ASTN2: variants seen among roughly 807,000 people sequenced by gnomAD.
ASTN2 encodes the protein astrotactin-2.
A neutral mutation model predicts 139.8 loss-of-function variants in ASTN2; 54 were observed. The observed-to-expected ratio is 0.39, with a 90% CI of 0.31 to 0.48. The LOEUF (loss-of-function observed/expected upper bound fraction) is 0.48. Ranked by LOEUF, ASTN2 falls within the 20% of genes least tolerant of loss-of-function variation. The pLI is 0.95. For synonymous variants in ASTN2, 756 were observed against 719.5 expected (o/e 1.05, Z -0.81); for missense variants, 1,565 against 1,725.1 (o/e 0.91, Z 1.64).
chr9:117,045,524 T>C (rs1838708554), intron 5 of ASTN2, among the ~76,000 whole-genome samples: 1 of 152,068 alleles, frequency 6.6e-6, no homozygotes, highest in East Asian at 1.9e-4. Context: ...GCTCCTCTCA[T>C]GGCAGCAGAG....
chr9:117,101,451 A>G (rs1471869300), intron 4 of ASTN2, among the ~76,000 whole-genome samples: 2 of 152,316 alleles, frequency 1.3e-5, no homozygotes, highest in Admixed American at 6.5e-5. Flanking sequence ...AGAAAAAAGA[A>G]GAGGTAATCT....
At position 116,892,590 on chromosome 9, in the gene ASTN2, ATT is replaced by A. The variant is rs369271689; in HGVS notation, c.1890-28859_1890-28858del. Among the ~76,000 whole-genome samples, 11 of 150,096 alleles carry A rather than the reference ATT, an allele frequency of 7.3e-5. No individual in the cohort carries two copies. In the South Asian group the frequency reaches 1.1e-3, roughly 14 times the overall value. On this transcript the variant is annotated intron_variant, in intron 10 of 22. Transcript: ENST00000313400. ...GTCAGATTGCACTGACTTTTAATCT[ATT>A]TTTTTTTTCATTATAAAAGTAATAC...
chr9:116,513,052 G>C (rs55842862), intron 19 of ASTN2, among the ~76,000 whole-genome samples: 7,564 of 152,250 alleles, frequency 0.05, 232 homozygotes, highest in Non-Finnish European at 0.069. Context: ...TATGATGTTA[G>C]CTGGTTATTT....
chr9:117,187,338 G>T (rs1831226654), intron 3 of ASTN2, among the ~76,000 whole-genome samples: 1 of 152,104 alleles, frequency 6.6e-6, no homozygotes, highest in Non-Finnish European at 1.5e-5. Flanking sequence ...AGAGAGAACA[G>T]AGATGCAAAG....
At chr9:117,408,829 T>C (rs1056855660) in intron 1 of ASTN2, among the ~76,000 whole-genome samples, 10 of 152,230 alleles carry the variant, frequency 6.6e-5, no homozygotes, top group Non-Finnish European at 1.5e-4. Context: ...AACATAGTAC[T>C]TTCTGAAGGA....
chr9:116,853,911 A>G (rs1236627616), intron 11 of ASTN2, among the ~76,000 whole-genome samples: 3 of 152,160 alleles, frequency 2.0e-5, no homozygotes, highest in Admixed American at 2.0e-4. Context: ...TTTATAATAG[A>G]CTAAATCTGG....
intron 5 of ASTN2, among the ~76,000 whole-genome samples, chr9:117,076,763 G>A (rs1363293473): frequency 6.6e-6 from 1 of 152,140 alleles, no homozygotes; most frequent in Non-Finnish European, 1.5e-5. Flanking sequence ...GCCTCATGTG[G>A]TCCAGCCCCA....
chr9:116,806,483 T>G (rs946423058), intron 12 of ASTN2, among the ~76,000 whole-genome samples: 1 of 152,214 alleles, frequency 6.6e-6, no homozygotes, highest in Non-Finnish European at 1.5e-5. Context: ...ATGGGGATGG[T>G]TGGGGCAAGA....
chr9:117,209,966 A>C (rs1341069916), intron 3 of ASTN2, among the ~76,000 whole-genome samples: 2 of 152,204 alleles, frequency 1.3e-5, no homozygotes, highest in African/African-American at 2.4e-5. Flanking sequence ...CAATGAGTGA[A>C]GGAAGAAATT....
At chr9:117,129,817 T>G (rs1401568232) in intron 4 of ASTN2, among the ~76,000 whole-genome samples, 1 of 152,192 alleles carries the variant, frequency 6.6e-6, no homozygotes, top group Non-Finnish European at 1.5e-5. Flanking sequence ...TCTCTATTCC[T>G]AAGGATTTTT....
rs908995958 is a variant in ASTN2 at position 116,725,696 on chromosome 9, G to T, written c.2806+75C>A. On this transcript the variant is annotated intron_variant, in intron 16 of 22. Transcript: ENST00000313400. ...AGAGCCAGGATTTAGATCCAAGGCA[G>T]CTCAGTTGTCTCCCCAGACCCCTTG... is the stretch of plus-strand genomic sequence containing the variant. 188 of 1,455,816 alleles carry T rather than the reference G, an allele frequency of 1.3e-4. 1 individual carries two copies. Among genetic ancestry groups the T allele is most frequent in the Non-Finnish European group, 1.6e-4 (169 of 1,073,516 alleles). The allele number at this position is 1,455,816 out of a possible 1,614,324, so 90.2% of individuals were successfully genotyped here. A position where few individuals can be genotyped will look rare whatever the true frequency, so the allele number is the denominator to read the frequency against.
At chr9:117,094,018 T>G (rs536223162) in intron 5 of ASTN2, among the ~76,000 whole-genome samples, 5 of 151,948 alleles carry the variant, frequency 3.3e-5, no homozygotes, top group African/African-American at 1.2e-4. Flanking sequence ...AATTGTTGTT[T>G]GGTTTGTGTC....
intron 16 of ASTN2, among the ~76,000 whole-genome samples, chr9:116,652,821 A>G (rs920284206): frequency 7.2e-5 from 11 of 152,034 alleles, no homozygotes; most frequent in African/African-American, 2.4e-4. Context: ...GCACACTGAG[A>G]TCTGACTTAT....
intron 13 of ASTN2, among the ~76,000 whole-genome samples, chr9:116,753,061 CAT>C (rs755243443): frequency 1.3e-5 from 2 of 152,206 alleles, no homozygotes; most frequent in African/African-American, 2.4e-5. Flanking sequence ...AAACTCTGCA[CAT>C]GTTTATGTGA....
intron 10 of ASTN2, among the ~76,000 whole-genome samples, chr9:116,865,071 G>A (rs749036400): frequency 1.8e-4 from 28 of 152,110 alleles, no homozygotes; most frequent in Non-Finnish European, 3.8e-4. Context: ...CTAGGCACAG[G>A]CCTCGTCTCA....
At chr9:116,949,510 A>G (rs1024109838) in intron 10 of ASTN2, among the ~76,000 whole-genome samples, 1 of 152,162 alleles carries the variant, frequency 6.6e-6, no homozygotes, top group African/African-American at 2.4e-5. Flanking sequence ...ACTGTATCAG[A>G]ACTAGTGTAA....
intron 1 of ASTN2, among the ~76,000 whole-genome samples, chr9:117,350,411 G>A (rs1467860672): frequency 2.6e-5 from 4 of 151,918 alleles, no homozygotes; most frequent in Non-Finnish European, 5.9e-5. Flanking sequence ...TTAGCCAAGC[G>A]TGGTCGTGGG....
chr9:116,980,722 A>C (rs546245814), intron 7 of ASTN2, among the ~76,000 whole-genome samples: 2 of 152,202 alleles, frequency 1.3e-5, no homozygotes, highest in Non-Finnish European at 2.9e-5. Flanking sequence ...ATCTCCATCA[A>C]TGCCATAGGT....
chr9:116,430,500 G>T (rs1847462794), intron 22 of ASTN2, among the ~76,000 whole-genome samples: 1 of 152,184 alleles, frequency 6.6e-6, no homozygotes, highest in Non-Finnish European at 1.5e-5. Flanking sequence ...GAGATAATAA[G>T]GAAAATTTGC....
Sources: allele counts gnomAD v4.1 joint callset (sites outside exome capture counted in the v4.1 genomes callset), GRCh38; gene constraint gnomAD v4.1.1; transcripts MANE v1.5; gene names NCBI Gene and HGNC (gene_info 2026-07-23, HGNC 2026-07-21).